OR10H5: variants seen among roughly 807,000 people sequenced by gnomAD.
OR10H5 encodes the protein olfactory receptor family 10 subfamily H member 5.
A neutral mutation model predicts 12.2 loss-of-function variants in OR10H5; 7 were observed. The ratio of observed to expected loss-of-function variants is 0.57; its 90% CI spans 0.33 to 1.07. The LOEUF (loss-of-function observed/expected upper bound fraction) is 1.07, where lower values mean the gene tolerates loss of function less well. OR10H5 is among the 50% of genes least tolerant of loss of function. The probability of loss-of-function intolerance (pLI) is 0.04; values close to 1 mark genes in which losing one functional copy is unlikely to be tolerated. For synonymous variants in OR10H5, 159 were observed against 175.1 expected, an observed-to-expected ratio of 0.91 and a Z score of 0.73; for missense variants, 346 against 411.6, an observed-to-expected ratio of 0.84 and a Z score of 1.38.
At chr19:15,793,220 A>G (rs930372424) in intron 1 of OR10H5, among the ~76,000 whole-genome samples, 1 of 152,118 alleles carries the variant, frequency 6.6e-6, no homozygotes, top group Non-Finnish European at 1.5e-5. Context: ...CCCAGGCTCA[A>G]TCGATCCTCC....
Position 15,794,079 on chromosome 19 carries a change from G to T in OR10H5, c.31G>T (p.Glu11Ter), listed in dbSNP as rs1244593461. 6.2e-7 allele frequency: 1 copy of T among 1,613,794 alleles called. No individual in the cohort carries two copies. Among genetic ancestry groups the T allele is most frequent in the Non-Finnish European group, 8.5e-7 (1 of 1,179,948 alleles). The change falls in exon 2 of 2, where the codon GAA becomes TAA. Residue 11 changes from glutamate (E) to a stop codon, truncating the protein, a stop_gained. Coordinates refer to ENST00000642092, the MANE Select transcript of OR10H5 (RefSeq NM_001004466.2). LOFTEE classifies it high-confidence loss of function. Reference protein sequence around the residue: MQGLNHTSVSEFILVGFSAFP... With the variant: MQGLNHTSVS ...GGGGCTAAACCACACCTCCGTGTCT[G>T]AATTCATCCTCGTTGGCTTCTCTGC... is the stretch of plus-strand genomic sequence containing the variant.
Position 15,798,645 on chromosome 19 carries a change from C to T in OR10H5, c.*3649C>T, listed in dbSNP as rs1346528768. 6.6e-6 allele frequency: 1 copy of T among 151,962 alleles called. No homozygotes were observed. Among genetic ancestry groups the T allele is most frequent in the Non-Finnish European group, 1.5e-5 (1 of 68,030 alleles). 9.4% of individuals were successfully genotyped at this position (151,962 alleles called of 1,614,324 possible). ...CTTTTCTTCCCCGGTGCTGGCCTAA[C>T]CTCCTTGCATGTGGATAAAAATTCA... On this transcript the variant is annotated 3_prime_UTR_variant, in exon 2 of 2. Coordinates refer to ENST00000642092, the MANE Select transcript of OR10H5 (RefSeq NM_001004466.2).
At chr19:15,793,485 A>G (rs1333136313) in intron 1 of OR10H5, among the ~76,000 whole-genome samples, 1 of 151,948 alleles carries the variant, frequency 6.6e-6, no homozygotes, top group African/African-American at 2.4e-5. Flanking sequence ...GGTGGTCTCA[A>G]ACTCCTGGCC....
At chr19:15,789,238 G>C (rs1784003675) in intron 1 of OR10H5, among the ~76,000 whole-genome samples, 1 of 152,216 alleles carries the variant, frequency 6.6e-6, no homozygotes, top group Admixed American at 6.5e-5. Flanking sequence ...GGTGTGTGCA[G>C]AATGAGTGGT....
At chr19:15,788,291 C>G (rs778309250) in intron 1 of OR10H5, among the ~76,000 whole-genome samples, 23 of 152,132 alleles carry the variant, frequency 1.5e-4, no homozygotes, top group Non-Finnish European at 2.1e-4. Context: ...CAAAGCTACT[C>G]TCCCTCTGAA....
In OR10H5 at chr19:15,789,072, C is replaced by T. The variant is rs531329201; in HGVS notation, c.-12+1356C>T. On this transcript the variant is annotated intron_variant, in intron 1 of 1. Coordinates refer to ENST00000642092, the MANE Select transcript of OR10H5 (RefSeq NM_001004466.2). ...GGCCCCAGTGTGTGTTGTTCCCCTC[C>T]CTGTGTCCAAAGGTCACATTCTGAG... 2.6e-5 allele frequency among the ~76,000 whole-genome samples: 4 copies of T among 152,280 alleles called. No individual in the cohort carries two copies. The South Asian group carries it at 6.2e-4, about 24-fold the overall frequency.
At chr19:15,792,754 C>T (rs529981048) in intron 1 of OR10H5, among the ~76,000 whole-genome samples, 2 of 152,312 alleles carry the variant, frequency 1.3e-5, no homozygotes, top group Admixed American at 6.5e-5. Flanking sequence ...GAGTGAGCTA[C>T]TGTGCCCGGC....
At chr19:15,791,818 G>A (rs1008065548) in intron 1 of OR10H5, among the ~76,000 whole-genome samples, 116 of 151,574 alleles carry the variant, frequency 7.7e-4, no homozygotes, top group Admixed American at 2.4e-3. Flanking sequence ...TCAGCCTCCC[G>A]AGTAGCTGGG....
chr19:15,791,302 T>G (rs924160772), intron 1 of OR10H5, among the ~76,000 whole-genome samples: 4 of 152,050 alleles, frequency 2.6e-5, no homozygotes, highest in Non-Finnish European at 2.9e-5. Context: ...GCCGAGATCA[T>G]GCCACTGCAC....
rs1568449857 is a variant in OR10H5 at position 15,795,131 on chromosome 19, T to TTCCTTCTTTCC, written c.*136_*137insCCTTCTTTCCT. On this transcript the variant is annotated 3_prime_UTR_variant, in exon 2 of 2. Transcript: ENST00000642092. ...CCTTCTTTCCTTCCTCCCTCCCTCC[T>TTCCTTCTTTCC]TTCCTCCCTCCTTCTCTGACCTACA... The TTCCTTCTTTCC allele has an allele frequency of 1.4e-6, 1 of 720,042 alleles. No homozygotes were observed. Among genetic ancestry groups the TTCCTTCTTTCC allele is most frequent in the Non-Finnish European group, 2.1e-6 (1 of 467,072 alleles). 44.6% of individuals were successfully genotyped at this position (720,042 alleles called of 1,614,324 possible).
At position 15,799,868 on chromosome 19, in the gene OR10H5, T is replaced by A. The variant is rs1373801039; in HGVS notation, c.*4872T>A. On this transcript the variant is annotated 3_prime_UTR_variant, in exon 2 of 2. Transcript: ENST00000642092. ...AGGCGTGCCACCATGCCTGGCTAAA[T>A]TTTTTTTGTGTTTTTAGTACAGACA... is the stretch of plus-strand genomic sequence containing the variant. 7 of 151,660 alleles carry A rather than the reference T, an allele frequency of 4.6e-5. No individual in the cohort carries two copies. Among genetic ancestry groups the A allele is most frequent in the Non-Finnish European group, 8.8e-5 (6 of 67,946 alleles). 9.4% of individuals were successfully genotyped at this position (151,660 alleles called of 1,614,324 possible).
At position 15,795,080 on chromosome 19, in the gene OR10H5, T is replaced by A; in HGVS notation, c.*84T>A. ...TATTTCTTTTCCTTTCCTCCCTCCC[T>A]CCTTTCCTCCCTCCCTCCCTTCCTT... On this transcript the variant is annotated 3_prime_UTR_variant, in exon 2 of 2. Coordinates refer to ENST00000642092, the MANE Select transcript of OR10H5 (RefSeq NM_001004466.2). The A allele has an allele frequency of 8.8e-7, 1 of 1,139,204 alleles. No individual in the cohort carries two copies. The highest frequency in any genetic ancestry group is 1.2e-6 in the Non-Finnish European group (1 of 806,496). 70.6% of individuals were successfully genotyped at this position (1,139,204 alleles called of 1,614,324 possible).
rs753494599 is a variant in OR10H5 at position 15,794,702 on chromosome 19, C to G, written c.654C>G (p.Ser218=). The G allele has an allele frequency of 6.2e-7, 1 of 1,614,054 alleles. No homozygotes were observed. Among genetic ancestry groups the G allele is most frequent in the Non-Finnish European group, 8.5e-7 (1 of 1,179,936 alleles). The change falls in exon 2 of 2, where the codon TCC becomes TCG. Residue 218 remains serine, a synonymous_variant. Transcript: ENST00000642092. The part of the protein sequence containing the change: ...LLGCFLLILL[S]YAFIVAAILK... The stretch of plus-strand genomic sequence containing the variant: ...GCTGTTTTCTCCTCATCCTCCTCTC[C>G]TATGCCTTCATCGTGGCCGCCATCT...
Position 15,795,171 on chromosome 19 carries a change from C to A in OR10H5, c.*175C>A. 1.7e-6 allele frequency: 1 copy of A among 588,694 alleles called. No homozygotes were observed. The highest frequency in any genetic ancestry group is 2.1e-5 in the African/African-American group (1 of 47,482). 36.5% of individuals were successfully genotyped at this position (588,694 alleles called of 1,614,324 possible). On this transcript the variant is annotated 3_prime_UTR_variant, in exon 2 of 2. Coordinates refer to ENST00000642092, the MANE Select transcript of OR10H5 (RefSeq NM_001004466.2). ...TCTGACCTACAGTCCACCCTCCCTC[C>A]CCCCTCCTCCTTGCCTTCCTTCCAT...
chr19:15,798,540 G>C lies in OR10H5; in HGVS notation c.*3544G>C, dbSNP rs1200137464. ...AGGGACCTGCTCCCTGAGTTCCTTGGAGCCCAGTGTTGTAGTCCTAATTGC... is the reference window on the plus strand; with the variant it reads ...AGGGACCTGCTCCCTGAGTTCCTTGCAGCCCAGTGTTGTAGTCCTAATTGC... On this transcript the variant is annotated 3_prime_UTR_variant, in exon 2 of 2. Transcript: ENST00000642092. The C allele has an allele frequency of 6.6e-6, 1 of 152,162 alleles. No individual in the cohort carries two copies. The highest frequency in any genetic ancestry group is 1.5e-5 in the Non-Finnish European group (1 of 68,070). 9.4% of individuals were successfully genotyped at this position (152,162 alleles called of 1,614,324 possible).
In OR10H5 at chr19:15,794,080, A is replaced by C; in HGVS notation, c.32A>C (p.Glu11Ala). The C allele has an allele frequency of 6.2e-7, 1 of 1,613,744 alleles. No individual in the cohort carries two copies. The highest frequency in any genetic ancestry group is 8.5e-7 in the Non-Finnish European group (1 of 1,179,922). Residue 11 changes from glutamate (E) to alanine (A), a missense_variant, in exon 2 of 2, where the codon GAA becomes GCA. Glu to Ala is a moderately radical substitution (Grantham distance 107). Coordinates refer to ENST00000642092, the MANE Select transcript of OR10H5 (RefSeq NM_001004466.2). ...GGGCTAAACCACACCTCCGTGTCTG[A>C]ATTCATCCTCGTTGGCTTCTCTGCC... MQGLNHTSVS[E>A]FILVGFSAFP... is the part of the protein sequence containing the mutation.
intron 1 of OR10H5, among the ~76,000 whole-genome samples, chr19:15,790,321 A>G (rs1387334872): frequency 1.3e-5 from 2 of 152,184 alleles, no homozygotes; most frequent in African/African-American, 4.8e-5. Flanking sequence ...CTCAGCAGAC[A>G]GCAAACAGCA....
rs2088854920 is a variant in OR10H5, at chr19:15,799,084, G to GA, written c.*4093dup. The GA allele has an allele frequency of 6.6e-6, 1 of 152,116 alleles. No individual in the cohort carries two copies. Among genetic ancestry groups the GA allele is most frequent in the Non-Finnish European group, 1.5e-5 (1 of 68,020 alleles). 9.4% of individuals were successfully genotyped at this position (152,116 alleles called of 1,614,324 possible). ...AAGGATCTTTCTAAAGGGAAACTCTGAAAAATCATCCCTCTACTTAAACCT... is the reference window on the plus strand; with the variant it reads ...AAGGATCTTTCTAAAGGGAAACTCTGAAAAAATCATCCCTCTACTTAAACCT... On this transcript the variant is annotated 3_prime_UTR_variant, in exon 2 of 2. Coordinates refer to ENST00000642092, the MANE Select transcript of OR10H5 (RefSeq NM_001004466.2).
chr19:15,788,283 A>G (rs2088792784), intron 1 of OR10H5, among the ~76,000 whole-genome samples: 1 of 152,048 alleles, frequency 6.6e-6, no homozygotes, highest in South Asian at 2.1e-4. Flanking sequence ...GACGTCTACA[A>G]AGCTACTCTC....
Sources: allele counts gnomAD v4.1 joint callset (sites outside exome capture counted in the v4.1 genomes callset), GRCh38; gene constraint gnomAD v4.1.1; transcripts MANE v1.5; gene names NCBI Gene and HGNC (gene_info 2026-07-23, HGNC 2026-07-21).